The following PRH1 variants were observed in gnomAD, a reference collection of about 807,000 sequenced individuals.
PRH1 encodes proline rich protein HaeIII subfamily 1, also known as salivary acidic proline-rich phosphoprotein 1/2.
In PRH1, 7 loss-of-function variants were observed where a neutral mutation model predicts 7.9. The ratio of observed to expected loss-of-function variants is 0.89; its 90% CI spans 0.50 to 1.67. The LOEUF (loss-of-function observed/expected upper bound fraction) is 1.67, where lower values mean the gene tolerates loss of function less well. Among genes scored for constraint, PRH1 ranks in the 40% most tolerant of loss-of-function variants. The pLI, the probability that PRH1 is intolerant of heterozygous loss-of-function variation, is 0.00. For missense variants in PRH1, 109 were observed against 223.6 expected, an observed-to-expected ratio of 0.49 and a Z score of 3.27; for synonymous variants, 45 against 80.8, an observed-to-expected ratio of 0.56 and a Z score of 2.38.
At chr12:10,909,841 T>A (rs1434373615) in intron 2 of PRH1, among the ~76,000 whole-genome samples, 1 of 152,206 alleles carries the variant, frequency 6.6e-6, no homozygotes, top group East Asian at 1.9e-4. Flanking sequence ...CAATTTCTTG[T>A]GGAGCTAAAG....
chr12:11,086,057 T>A lies in PRH1; in HGVS notation n.124-38869A>T, dbSNP rs183374557. ...TTAAAATCTGGTTGCTGTTAACTAA[T>A]AGTTTTGTATAACTTATTGTTAACA... On this transcript the variant is annotated intron_variant and non_coding_transcript_variant, in intron 1 of 4. Transcript: ENST00000541977. 1.7e-3 allele frequency among the ~76,000 whole-genome samples: 234 copies of A among 136,544 alleles called. 13 individuals are homozygous for A. The highest frequency in any genetic ancestry group is 5.8e-3 in the African/African-American group (220 of 38,170). 89.6% of individuals were successfully genotyped at this position (136,544 alleles called of 152,430 possible).
intron 1 of PRH1, among the ~76,000 whole-genome samples, chr12:11,099,564 G>C (rs1361894624): frequency 6.6e-6 from 1 of 152,162 alleles, no homozygotes; most frequent in Non-Finnish European, 1.5e-5. Context: ...GGGCTCAGTG[G>C]AGTGTGCCTG....
intron 1 of PRH1, among the ~76,000 whole-genome samples, chr12:11,165,575 C>T (rs921795193): frequency 1.3e-5 from 2 of 152,154 alleles, no homozygotes; most frequent in Admixed American, 6.5e-5. Flanking sequence ...AAGGTTCTGT[C>T]TGATAATTTC....
intron 2 of PRH1, chr12:10,929,477 C>A (rs1309318863): frequency 2.2e-5 from 22 of 999,554 alleles, no homozygotes; most frequent in Non-Finnish European, 3.0e-5. Flanking sequence ...ATCAGAAGAC[C>A]TGTTGTGCCT....
rs1173402772 is a variant in PRH1, at chr12:11,081,586, G to A, written n.124-34398C>T. On this transcript the variant is annotated intron_variant and non_coding_transcript_variant, in intron 1 of 4. Transcript: ENST00000541977. ...AAGTTGATGTGAGTAGCTTTTTTTG[G>A]ATATTAGCTTGTCTGTTGCTGGGTC... 2.6e-5 allele frequency among the ~76,000 whole-genome samples: 3 copies of A among 115,896 alleles called. 1 individual carries two copies. The highest frequency in any genetic ancestry group is 8.6e-5 in the African/African-American group (3 of 34,710). The allele number at this position is 115,896 out of a possible 152,430, so 76.0% of individuals were successfully genotyped here. A position where few individuals can be genotyped will look rare whatever the true frequency, so the allele number is the denominator to read the frequency against.
At chr12:10,901,083 C>G (rs1258301593) in intron 2 of PRH1, among the ~76,000 whole-genome samples, 4 of 152,218 alleles carry the variant, frequency 2.6e-5, no homozygotes, top group Non-Finnish European at 5.9e-5. Flanking sequence ...ATTCAAAGCA[C>G]CTGCTCACAC....
chr12:11,035,989 G>A (rs1942419431), intron 1 of PRH1, among the ~76,000 whole-genome samples: 1 of 152,148 alleles, frequency 6.6e-6, no homozygotes, highest in African/African-American at 2.4e-5. Flanking sequence ...TGTCCCCCGG[G>A]TTCACGCCAT....
At chr12:11,083,345 T>TTTTAA in intron 1 of PRH1, among the ~76,000 whole-genome samples, 1 of 125,360 alleles carries the variant, frequency 8.0e-6, no homozygotes. Context: ...CTCTTCCTTT[T>TTTTAA]TTAAATTAAA....
At position 11,108,512 on chromosome 12, in the gene PRH1, G is replaced by A. The variant is rs966298189; in HGVS notation, n.124-61324C>T. 5.3e-5 allele frequency among the ~76,000 whole-genome samples: 8 copies of A among 152,158 alleles called. 1 individual carries two copies. The highest frequency in any genetic ancestry group is 4.6e-4 in the Admixed American group (7 of 15,288). On this transcript the variant is annotated intron_variant and non_coding_transcript_variant, in intron 1 of 4. Coordinates refer to the PRH1 transcript ENST00000541977. Reference sequence around the variant, plus strand: ...TGGTTAGACAGCGGGTGAAGCCCACGGAGGATGAGCCGAAGGAGGGTGTGG... The same window carrying A: ...TGGTTAGACAGCGGGTGAAGCCCACAGAGGATGAGCCGAAGGAGGGTGTGG...
intron 1 of PRH1, among the ~76,000 whole-genome samples, chr12:11,006,488 C>G (rs530730671): frequency 6.6e-6 from 1 of 151,138 alleles, no homozygotes; most frequent in South Asian, 2.1e-4. Context: ...GATACTCTTG[C>G]CTTCCTGCCT....
chr12:11,140,802 C>A (rs1246624406), intron 1 of PRH1, among the ~76,000 whole-genome samples: 1 of 152,076 alleles, frequency 6.6e-6, no homozygotes, highest in Non-Finnish European at 1.5e-5. Context: ...ATTTTACAAC[C>A]CAATACATAT....
chr12:10,986,959 A>C (rs1214069158), intron 1 of PRH1: 1 of 824,232 alleles, frequency 1.2e-6, no homozygotes, highest in African/African-American at 1.8e-5. Context: ...CTGATTTCTG[A>C]ATGTGCAGTA....
chr12:11,031,662 C>T (rs1158079285), intron 1 of PRH1, among the ~76,000 whole-genome samples: 1 of 152,128 alleles, frequency 6.6e-6, no homozygotes, highest in Non-Finnish European at 1.5e-5. Flanking sequence ...TCAATCCTCC[C>T]TGCCATTGGC....
At chr12:10,943,237 G>A (rs984189039) in intron 2 of PRH1, among the ~76,000 whole-genome samples, 2 of 152,052 alleles carry the variant, frequency 1.3e-5, no homozygotes, top group African/African-American at 2.4e-5. Context: ...CCATGATGGA[G>A]CTGATTGTTT....
chr12:11,068,113 C>G (rs796081289), intron 1 of PRH1, among the ~76,000 whole-genome samples: 2 of 148,744 alleles, frequency 1.3e-5, no homozygotes, highest in Non-Finnish European at 3.0e-5. Context: ...ATAACATTAA[C>G]ATCGATGTTA....
At chr12:11,115,496 C>T (rs1945707371) in intron 1 of PRH1, among the ~76,000 whole-genome samples, 1 of 152,088 alleles carries the variant, frequency 6.6e-6, no homozygotes, top group South Asian at 2.1e-4. Flanking sequence ...ATCCTCCAGA[C>T]AGAAAATCAA....
At chr12:10,917,777 C>A (rs1021454536) in intron 2 of PRH1, among the ~76,000 whole-genome samples, 1 of 152,202 alleles carries the variant, frequency 6.6e-6, no homozygotes, top group African/African-American at 2.4e-5. Flanking sequence ...ACCAGCAGTA[C>A]TGAGTCAGTT....
upstream of PRH1, among the ~76,000 whole-genome samples, chr12:11,047,419 TATTAAGA>T (rs560861274): frequency 6.6e-5 from 10 of 151,836 alleles, no homozygotes; most frequent in East Asian, 1.9e-3. Context: ...TTTTGAGAAA[TATTAAGA>T]ATGGGAGACA....
At chr12:10,920,086 G>A (rs967333049) in intron 2 of PRH1, among the ~76,000 whole-genome samples, 1 of 151,748 alleles carries the variant, frequency 6.6e-6, no homozygotes, top group African/African-American at 2.4e-5. Flanking sequence ...TAGAGACAAG[G>A]TCTCACTGTG....
Sources: allele counts gnomAD v4.1 joint callset (sites outside exome capture counted in the v4.1 genomes callset), GRCh38; gene constraint gnomAD v4.1.1; transcripts MANE v1.5; gene names NCBI Gene and HGNC (gene_info 2026-07-23, HGNC 2026-07-21).